The following GRIA4 variants were observed in gnomAD, a reference collection of about 807,000 sequenced individuals.
GRIA4 encodes the protein glutamate ionotropic receptor AMPA type subunit 4, also known as glutamate receptor 4.
GRIA4 carries 34 observed loss-of-function variants against 104.0 expected under a neutral mutation model. The observed-to-expected ratio is 0.33, with a 90% CI of 0.25 to 0.44. GRIA4 has a LOEUF of 0.44. Among genes scored for constraint, GRIA4 ranks in the 20% least tolerant of loss-of-function variants. GRIA4 has a pLI of 1.00. For synonymous variants in GRIA4, 386 were observed against 381.9 expected (o/e 1.01, Z -0.13); for missense variants, 750 against 1,096.5 (o/e 0.68, Z 4.46).
intron 3 of GRIA4, among the ~76,000 whole-genome samples, chr11:105,666,573 TTA>T (rs1046750717): frequency 2.0e-4 from 30 of 152,108 alleles, no homozygotes; most frequent in Middle Eastern, 3.4e-3. Context: ...TAGTAAATGA[TTA>T]TTATATTTAT....
At chr11:105,841,934 A>G (rs1458528683) in intron 4 of GRIA4, among the ~76,000 whole-genome samples, 7 of 152,202 alleles carry the variant, frequency 4.6e-5, no homozygotes, top group Admixed American at 4.6e-4. Context: ...TCATTGAATT[A>G]ATATTTACTG....
chr11:105,797,306 G>A (rs142722278), intron 4 of GRIA4, among the ~76,000 whole-genome samples: 21 of 152,242 alleles, frequency 1.4e-4, no homozygotes, highest in African/African-American at 3.8e-4. Flanking sequence ...AGCAAAGCCC[G>A]CTAACAATAC....
chr11:105,744,367 C>T (rs1939514403), intron 3 of GRIA4, among the ~76,000 whole-genome samples: 2 of 152,148 alleles, frequency 1.3e-5, no homozygotes, highest in African/African-American at 4.8e-5. Flanking sequence ...GGAGAAAACA[C>T]TAATAAGCAC....
At chr11:105,923,840 T>A (rs926475321) in intron 11 of GRIA4, among the ~76,000 whole-genome samples, 1 of 152,182 alleles carries the variant, frequency 6.6e-6, no homozygotes, top group Non-Finnish European at 1.5e-5. Flanking sequence ...TTGGAAAATA[T>A]CGTCAAACAA....
At chr11:105,876,101 C>T (rs1000355653) in intron 5 of GRIA4, among the ~76,000 whole-genome samples, 2 of 152,132 alleles carry the variant, frequency 1.3e-5, no homozygotes, top group African/African-American at 4.8e-5. Flanking sequence ...CTCAGACATT[C>T]TAGTACATTG....
At chr11:105,958,049 A>G (rs1240881285) in intron 14 of GRIA4, among the ~76,000 whole-genome samples, 3 of 152,196 alleles carry the variant, frequency 2.0e-5, no homozygotes, top group South Asian at 2.1e-4. Flanking sequence ...CAATCATGTC[A>G]TCTGCAAACA....
chr11:105,667,905 T>G (rs894933738), intron 3 of GRIA4, among the ~76,000 whole-genome samples: 1 of 151,938 alleles, frequency 6.6e-6, no homozygotes, highest in African/African-American at 2.4e-5. Context: ...GTGTTATATA[T>G]GTATTATATA....
intron 4 of GRIA4, among the ~76,000 whole-genome samples, chr11:105,858,164 T>C (rs973186220): frequency 2.6e-5 from 4 of 152,178 alleles, no homozygotes; most frequent in African/African-American, 9.6e-5. Flanking sequence ...TATAATCTAA[T>C]AAAGTGATTA....
In GRIA4 at chr11:105,732,344, G is replaced by A. The variant is rs546633179; in HGVS notation, c.248-20637G>A. 3.3e-4 allele frequency among the ~76,000 whole-genome samples: 50 copies of A among 152,278 alleles called. No homozygotes were observed. In the South Asian group the frequency reaches 6.6e-3, roughly 20 times the overall value. ...AAGTGCCCAGCGTTGAGTGGAGGGC[G>A]TGAACCAGCAGTAGCATTAGAAGCT... On this transcript the variant is annotated intron_variant, in intron 3 of 16. Coordinates refer to ENST00000282499, the MANE Select transcript of GRIA4 (RefSeq NM_000829.4).
In GRIA4 at chr11:105,611,051, C is replaced by A. The variant is rs769988493; in HGVS notation, c.54C>A (p.Leu18=). ...TGTTATTTTCTGGATTTTGGGGACT[C>A]GCCATGGGAGCCTTTCCGAGCAGCG... ...IVLLFSGFWG[L]AMGAFPSSVQ... Residue 18 remains leucine (L), a synonymous_variant, in exon 2 of 17, where the codon CTC becomes CTA. Transcript: ENST00000282499. 9 of 1,613,532 alleles carry A rather than the reference C, an allele frequency of 5.6e-6. No individual in the cohort carries two copies. The highest frequency in any genetic ancestry group is 5.5e-5 in the South Asian group (5 of 91,048).
chr11:105,778,561 C>T (rs550927641), intron 4 of GRIA4, among the ~76,000 whole-genome samples: 103 of 152,090 alleles, frequency 6.8e-4, no homozygotes, highest in Admixed American at 1.1e-3. Flanking sequence ...GAAAATTAGC[C>T]GGGTGTGATG....
intron 13 of GRIA4, among the ~76,000 whole-genome samples, chr11:105,932,741 T>C (rs944564130): frequency 5.3e-5 from 8 of 152,164 alleles, no homozygotes; most frequent in Admixed American, 3.9e-4. Context: ...ATATGTTCTA[T>C]TTGAAAATTT....
At chr11:105,789,525 G>A (rs369739847) in intron 4 of GRIA4, among the ~76,000 whole-genome samples, 19 of 152,076 alleles carry the variant, frequency 1.2e-4, no homozygotes, top group East Asian at 7.8e-4. Context: ...ATGTCCTCCC[G>A]CCCCTCCTTT....
chr11:105,779,240 A>C (rs556650557), intron 4 of GRIA4, among the ~76,000 whole-genome samples: 92 of 152,164 alleles, frequency 6.0e-4, no homozygotes, highest in African/African-American at 2.1e-3. Flanking sequence ...GTGCGACATG[A>C]AGGACCTCTT....
intron 3 of GRIA4, among the ~76,000 whole-genome samples, chr11:105,621,822 T>A (rs903952202): frequency 6.6e-6 from 1 of 151,900 alleles, no homozygotes; most frequent in South Asian, 2.1e-4. Flanking sequence ...AACCAGCATG[T>A]GAGAATAATT....
chr11:105,733,475 GA>G (rs942209752), intron 3 of GRIA4, among the ~76,000 whole-genome samples: 33 of 151,366 alleles, frequency 2.2e-4, no homozygotes, highest in African/African-American at 8.0e-4. Flanking sequence ...TTTTCTTTTT[GA>G]GACGGAGTCT....
intron 16 of GRIA4, 55 bp from the exon 17 acceptor site, chr11:105,979,520 A>G: frequency 6.7e-7 from 1 of 1,486,210 alleles, no homozygotes. Context: ...TTGTTGAAGA[A>G]ACAGAAATAT....
At chr11:105,901,668 G>A (rs1351978241) in intron 7 of GRIA4, among the ~76,000 whole-genome samples, 1 of 152,060 alleles carries the variant, frequency 6.6e-6, no homozygotes, top group Non-Finnish European at 1.5e-5. Flanking sequence ...CCAGGTCTTT[G>A]CCACTCTGGC....
chr11:105,970,034 A>G (rs908908582), intron 14 of GRIA4, among the ~76,000 whole-genome samples: 6 of 152,108 alleles, frequency 3.9e-5, no homozygotes, highest in Non-Finnish European at 1.5e-5. Context: ...AGGAAAACCT[A>G]GATTAACTGG....
Sources: allele counts gnomAD v4.1 joint callset (sites outside exome capture counted in the v4.1 genomes callset), GRCh38; gene constraint gnomAD v4.1.1; transcripts MANE v1.5; gene names NCBI Gene and HGNC (gene_info 2026-07-23, HGNC 2026-07-21).